GYS1: variants seen among roughly 807,000 people sequenced by gnomAD.
The protein encoded by GYS1 is glycogen [starch] synthase, muscle.
A neutral mutation model predicts 89.1 loss-of-function variants in GYS1; 60 were observed. The observed-to-expected ratio is 0.67, with a 90% CI of 0.55 to 0.84. The LOEUF (loss-of-function observed/expected upper bound fraction) is 0.84, where lower values mean the gene tolerates loss of function less well. Ranked by LOEUF, GYS1 falls within the 40% of genes least tolerant of loss-of-function variation. The pLI is 0.00. For missense variants in GYS1, 888 were observed against 1,003.1 expected (o/e 0.89, Z 1.55); for synonymous variants, 366 against 401.7 (o/e 0.91, Z 1.06).
rs1568626187 is a variant in GYS1, at chr19:48,989,997, C to CCGG, written c.300+1304_300+1305insCCG. On this transcript the variant is annotated intron_variant, in intron 2 of 15. Coordinates refer to ENST00000323798, the MANE Select transcript of GYS1 (RefSeq NM_002103.5). ...CTCCCAGCTGTTGTCTGCCCTTTTGCTGGGGGGGGGGGGGGGCTATTCTTA... is the reference window on the plus strand; with the variant it reads ...CTCCCAGCTGTTGTCTGCCCTTTTGCCGGTGGGGGGGGGGGGGGGCTATTCTTA... Among the ~76,000 whole-genome samples the CCGG allele has an allele frequency of 1.3e-3, 34 of 26,154 alleles. 1 individual carries two copies. Among genetic ancestry groups the CCGG allele is most frequent in the African/African-American group, 1.4e-3 (4 of 2,812 alleles). 17.2% of individuals were successfully genotyped at this position (26,154 alleles called of 152,430 possible).
Position 48,982,389 on chromosome 19 carries a change from A to ATC in GYS1, c.942-15_942-14insGA. 1 of 1,613,454 alleles carries ATC rather than the reference A, an allele frequency of 6.2e-7. No homozygotes were observed. The highest frequency in any genetic ancestry group is 8.5e-7 in the Non-Finnish European group (1 of 1,179,684). On this transcript the variant is annotated splice_polypyrimidine_tract_variant and intron_variant, in intron 6 of 15. Transcript: ENST00000323798. ...AAGTCCAGATGCCTAAAGAACCCAC[A>ATC]AGGCACGGTAAAGCCCAAAGCCCTC...
At chr19:48,975,911 CAAAAAAAAAAA>C (rs760164673) in intron 10 of GYS1, among the ~76,000 whole-genome samples, 9 of 41,360 alleles carry the variant, frequency 2.2e-4, no homozygotes, top group South Asian at 9.7e-4. Context: ...GACTCCGTCT[CAAAAAAAAAAA>C]AAAAAAAAAA....
At chr19:48,970,401 T>C in intron 14 of GYS1, 145 bp downstream of exon 14, 1 of 715,608 alleles carries the variant, frequency 1.4e-6, no homozygotes, top group Non-Finnish European at 2.5e-6. Context: ...ATTACAACCA[T>C]GAGCCACCAT....
At chr19:48,989,253 G>A (rs995958815) in intron 2 of GYS1, among the ~76,000 whole-genome samples, 1 of 151,668 alleles carries the variant, frequency 6.6e-6, no homozygotes, top group African/African-American at 2.4e-5. Flanking sequence ...GGGCCGAGGC[G>A]GGCGGATTGC....
chr19:48,988,549 G>A (rs751428452), intron 2 of GYS1, among the ~76,000 whole-genome samples: 8 of 151,952 alleles, frequency 5.3e-5, no homozygotes, highest in Middle Eastern at 6.8e-3. Context: ...GAACTCCTGC[G>A]TTCAAGCAGT....
intron 12 of GYS1, among the ~76,000 whole-genome samples, chr19:48,973,253 T>C (rs924547498): frequency 2.6e-5 from 4 of 152,150 alleles, no homozygotes; most frequent in Non-Finnish European, 4.4e-5. Flanking sequence ...TGACTGAGTT[T>C]TCTGAGGCCT....
rs747467040 is a variant in GYS1, at chr19:48,991,305, GC to G, written c.296del (p.Cys99SerfsTer9). On this transcript the variant is annotated frameshift_variant, in exon 2 of 16. Transcript: ENST00000323798. LOFTEE classifies it high-confidence loss of function. This position sits in a 1 kb window ranked among gnomAD's most constrained non-coding sequence, Gnocchi z 4.7. ...CCTGGGCTGGGCCACGTCCCACCTT[GC>G]AGCCCTTGCTGTTCATGGAATCCAG... is the stretch of plus-strand genomic sequence containing the variant. ...RTLDSMNSKG[C>X]KVYFGRWLIE... The G allele has an allele frequency of 6.2e-7, 1 of 1,613,688 alleles. No homozygotes were observed. The highest frequency in any genetic ancestry group is 8.5e-7 in the Non-Finnish European group (1 of 1,180,016).
intron 3 of GYS1, 41 bp downstream of exon 3, chr19:48,987,153 G>A: frequency 1.4e-6 from 2 of 1,408,004 alleles, no homozygotes; most frequent in African/African-American, 1.4e-5. Context: ...GATGGTCATT[G>A]TAGTTTCAGG....
At position 48,991,198 on chromosome 19, in the gene GYS1, G is replaced by T; in HGVS notation, c.300+104C>A. On this transcript the variant is annotated intron_variant, in intron 2 of 15. Transcript: ENST00000323798. This position sits in a 1 kb window ranked among gnomAD's most constrained non-coding sequence, Gnocchi z 4.7. Reference sequence around the variant, plus strand: ...TCCTTCCTGTGTCCAAGCCTGCCTCGCTCTCTGGCTGGGGCTGTCCACCCT... The same window carrying T: ...TCCTTCCTGTGTCCAAGCCTGCCTCTCTCTCTGGCTGGGGCTGTCCACCCT... 2 of 1,253,336 alleles carry T rather than the reference G, an allele frequency of 1.6e-6. No homozygotes were observed. Among genetic ancestry groups the T allele is most frequent in the Non-Finnish European group, 1.2e-6 (1 of 863,570 alleles). The allele number at this position is 1,253,336 out of a possible 1,614,324, so 77.6% of individuals were successfully genotyped here.
chr19:48,973,505 ATTTTT>A lies in GYS1; in HGVS notation c.1549+703_1549+707del, dbSNP rs34032782. Among the ~76,000 whole-genome samples the A allele has an allele frequency of 1.0e-3, 126 of 120,606 alleles. 1 individual carries two copies. The highest frequency in any genetic ancestry group is 4.0e-3 in the African/African-American group (124 of 31,254). 79.1% of individuals were successfully genotyped at this position (120,606 alleles called of 152,430 possible). ...AGGAAATGGCACTAATTTAGCTTTA[ATTTTT>A]TTTTTTTTTTTTTTTTGAGACGGAG... On this transcript the variant is annotated intron_variant, in intron 12 of 15. Transcript: ENST00000323798.
Position 48,974,695 on chromosome 19 carries a change from C to T in GYS1, c.1347G>A (p.Leu449=), listed in dbSNP as rs767205165. 1 of 1,613,954 alleles carries T rather than the reference C, an allele frequency of 6.2e-7. No homozygotes were observed. The highest frequency in any genetic ancestry group is 8.5e-7 in the Non-Finnish European group (1 of 1,179,956). The change falls in exon 11 of 16, where the codon CTG becomes CTA. Residue 449 remains leucine (L), a synonymous_variant. Transcript: ENST00000323798. The part of the protein sequence containing the change: ...SFPPVCTHNM[L]DDSSDPILTT... The stretch of plus-strand genomic sequence containing the variant: ...TCAGGATGGGGTCTGAGGAGTCATC[C>T]AGCATATTGTGGGTGCACACAGGGG...
intron 15 of GYS1, 26 bp from the exon 16 acceptor site, chr19:48,969,637 C>A: frequency 1.9e-6 from 3 of 1,559,622 alleles, no homozygotes; most frequent in East Asian, 4.8e-5. Context: ...TGGGTGCAAA[C>A]CAGGGTGAGC....
rs1568622262 is a variant in GYS1 at position 48,982,232 on chromosome 19, T to A, written c.1062+23A>T. 1.9e-6 allele frequency: 3 copies of A among 1,612,084 alleles called. No individual in the cohort carries two copies. The South Asian group carries it at 3.3e-5, about 18-fold the overall frequency. ...TAAACTGCTTTGCTTGCCCTCCCTG[T>A]CCCCTCATAGCCCAGGCCTCACTCT... On this transcript the variant is annotated intron_variant, in intron 7 of 15. Transcript: ENST00000323798.
Position 48,991,605 on chromosome 19 carries a change from G to A in GYS1, c.119-122C>T. 9.5e-7 allele frequency: 1 copy of A among 1,056,256 alleles called. No homozygotes were observed. Among genetic ancestry groups the A allele is most frequent in the Non-Finnish European group, 1.4e-6 (1 of 703,242 alleles). 65.4% of individuals were successfully genotyped at this position (1,056,256 alleles called of 1,614,324 possible). A position where few individuals can be genotyped will look rare whatever the true frequency, so the allele number is the denominator to read the frequency against. On this transcript the variant is annotated intron_variant, in intron 1 of 15. Transcript: ENST00000323798. The surrounding 1 kb of genome is among the most constrained non-coding windows in gnomAD (Gnocchi z 4.7). ...CCAGACCTCTAGCTCAGGGGGAAGA[G>A]GGGACTGGGAGCCCATAGTTTGGAG... is the stretch of plus-strand genomic sequence containing the variant.
rs571576339 is a variant in GYS1, at chr19:48,968,420, T to C, written c.*868A>G. On this transcript the variant is annotated 3_prime_UTR_variant, in exon 16 of 16. Coordinates refer to ENST00000323798, the MANE Select transcript of GYS1 (RefSeq NM_002103.5). ...GATCTAGAAGCCAGGACCTAGAACC[T>C]AGTGGTTTCACAGTGGGCAGAGCAG... The C allele has an allele frequency of 9.6e-4, 435 of 454,456 alleles. 1 individual carries two copies. Among genetic ancestry groups the C allele is most frequent in the Non-Finnish European group, 1.5e-3 (344 of 226,770 alleles). The allele number at this position is 454,456 out of a possible 1,614,324, so 28.2% of individuals were successfully genotyped here.
chr19:48,987,137 G>T, intron 3 of GYS1, 57 bp downstream of exon 3: 1 of 1,267,664 alleles, frequency 7.9e-7, no homozygotes. Flanking sequence ...CTCTGGCCCA[G>T]GGGCTGATGG....
chr19:48,987,633 A>G (rs1182324828), intron 2 of GYS1, among the ~76,000 whole-genome samples: 7 of 151,364 alleles, frequency 4.6e-5, no homozygotes, highest in Admixed American at 6.6e-5. Flanking sequence ...CCCCCTGCTT[A>G]CTTTCTTTCT....
intron 8 of GYS1, among the ~76,000 whole-genome samples, chr19:48,979,358 T>C (rs1459879044): frequency 2.8e-4 from 29 of 105,306 alleles, no homozygotes; most frequent in African/African-American, 1.2e-3. Context: ...TTTTTTTTTT[T>C]TTTTTTTTTT....
At position 48,982,390 on chromosome 19, in the gene GYS1, A is replaced by G; in HGVS notation, c.942-15T>C. The G allele has an allele frequency of 1.2e-6, 2 of 1,613,678 alleles. No homozygotes were observed. The highest frequency in any genetic ancestry group is 1.7e-6 in the Non-Finnish European group (2 of 1,179,788). Reference sequence around the variant, plus strand: ...AGTCCAGATGCCTAAAGAACCCACAAGGCACGGTAAAGCCCAAAGCCCTCA... The same window carrying G: ...AGTCCAGATGCCTAAAGAACCCACAGGGCACGGTAAAGCCCAAAGCCCTCA... On this transcript the variant is annotated splice_polypyrimidine_tract_variant and intron_variant, in intron 6 of 15. Transcript: ENST00000323798.
Sources: gnomAD v4.1 joint callset for allele counts (sites outside exome capture counted in the v4.1 genomes callset) on GRCh38, gnomAD v4.1.1 for gene constraint, Gnocchi (gnomAD v3.1) non-coding constraint, MANE v1.5 for transcripts, NCBI Gene and HGNC (gene_info 2026-07-23, HGNC 2026-07-21) for gene names.